The following GABRG3 variants were observed in gnomAD, a reference collection of about 807,000 sequenced individuals.
The protein encoded by GABRG3 is gamma-aminobutyric acid type A receptor subunit gamma3.
GABRG3 carries 25 observed loss-of-function variants against 48.8 expected under a neutral mutation model. The ratio of observed to expected loss-of-function variants is 0.51; its 90% CI spans 0.37 to 0.72. GABRG3 has a LOEUF of 0.72. GABRG3 is among the 30% of genes least tolerant of loss of function. The pLI is 0.00. For synonymous variants in GABRG3, 227 were observed against 217.6 expected, an observed-to-expected ratio of 1.04 and a Z score of -0.38; for missense variants, 394 against 577.9, an observed-to-expected ratio of 0.68 and a Z score of 3.26.
chr15:27,067,343 C>A (rs2140729937), intron 3 of GABRG3, among the ~76,000 whole-genome samples: 1 of 152,330 alleles, frequency 6.6e-6, no homozygotes, highest in South Asian at 2.1e-4. Flanking sequence ...GACTTTGCCT[C>A]ACTCCCCATC....
chr15:27,338,360 AT>A (rs562586298), intron 5 of GABRG3, among the ~76,000 whole-genome samples: 2 of 152,162 alleles, frequency 1.3e-5, no homozygotes, highest in Non-Finnish European at 2.9e-5. Context: ...CACCCCAGGC[AT>A]TCTTTCCATC....
chr15:27,306,337 A>C (rs1435743932), intron 3 of GABRG3, among the ~76,000 whole-genome samples: 1 of 128,146 alleles, frequency 7.8e-6, no homozygotes, highest in East Asian at 2.2e-4. Context: ...TATAAACATA[A>C]AATATAAACA....
intron 3 of GABRG3, among the ~76,000 whole-genome samples, chr15:27,227,033 C>T (rs1284665931): frequency 1.3e-5 from 2 of 152,160 alleles, no homozygotes; most frequent in Non-Finnish European, 2.9e-5. Context: ...GGAAAGTAAA[C>T]CATGTTTCAC....
At chr15:27,218,796 G>C (rs1173802469) in intron 3 of GABRG3, among the ~76,000 whole-genome samples, 1 of 152,206 alleles carries the variant, frequency 6.6e-6, no homozygotes, top group Non-Finnish European at 1.5e-5. Context: ...ATGGTAATGG[G>C]TGGTGACCGT....
At position 27,527,479 on chromosome 15, in the gene GABRG3, G is replaced by T; in HGVS notation, c.912G>T (p.Arg304Ser). The change falls in exon 8 of 10, where the codon AGG becomes AGT. Residue 304 changes from arginine to serine, a missense_variant. By Grantham distance (110) the Arg-to-Ser change is moderately radical (BLOSUM62 -1). Around this residue, in one of 3 missense-constraint regions of GABRG3, gnomAD observed 50 missense variants for 112.5 expected, o/e 0.44. Coordinates refer to ENST00000615808, the MANE Select transcript of GABRG3 (RefSeq NM_033223.5). ...LTMTTLSTIARKSLPRVSYVT... is the reference protein window; with the variant it reads ...LTMTTLSTIASKSLPRVSYVT... ...TGACCACCCTGAGCACCATCGCCAG[G>T]AAGTCCTTGCCACGCGTGTCCTACG... 1 of 1,613,942 alleles carries T rather than the reference G, an allele frequency of 6.2e-7. No homozygotes were observed. The highest frequency in any genetic ancestry group is 8.5e-7 in the Non-Finnish European group (1 of 1,179,888).
intron 6 of GABRG3, among the ~76,000 whole-genome samples, chr15:27,508,954 C>A (rs1351273285): frequency 6.6e-6 from 1 of 152,086 alleles, no homozygotes; most frequent in Non-Finnish European, 1.5e-5. Flanking sequence ...CTCCTGACCT[C>A]CTGATCCGCC....
intron 3 of GABRG3, among the ~76,000 whole-genome samples, chr15:27,097,940 CT>C (rs11305962): frequency 0.25 from 35,163 of 141,674 alleles, 5,165 homozygotes; most frequent in African/African-American, 0.41. Flanking sequence ...ATCTATTATT[CT>C]TTTTTTTTTT....
At chr15:27,109,673 A>G (rs1897511048) in intron 3 of GABRG3, among the ~76,000 whole-genome samples, 2 of 152,198 alleles carry the variant, frequency 1.3e-5, no homozygotes, top group South Asian at 4.1e-4. Context: ...ACCCGGACTC[A>G]GGAGTTTGAG....
chr15:27,018,778 A>C (rs1377651437), intron 2 of GABRG3, among the ~76,000 whole-genome samples: 2 of 152,188 alleles, frequency 1.3e-5, no homozygotes, highest in Non-Finnish European at 2.9e-5. Flanking sequence ...GCATGGACTC[A>C]GAGTATTGGC....
At chr15:27,513,701 A>C (rs1890954351) in intron 6 of GABRG3, among the ~76,000 whole-genome samples, 1 of 152,164 alleles carries the variant, frequency 6.6e-6, no homozygotes, top group Non-Finnish European at 1.5e-5. Flanking sequence ...TTGGAAAAAA[A>C]ATCCTGAAAT....
At chr15:27,284,354 AAAT>A (rs1891538917) in intron 3 of GABRG3, among the ~76,000 whole-genome samples, 1 of 152,254 alleles carries the variant, frequency 6.6e-6, no homozygotes. Context: ...TTAATTTTAA[AAAT>A]TCCCCAAATA....
intron 3 of GABRG3, among the ~76,000 whole-genome samples, chr15:27,152,861 ATTTT>A (rs1187163963): frequency 7.2e-6 from 1 of 139,016 alleles, no homozygotes; most frequent in Admixed American, 7.2e-5. Flanking sequence ...TTTCGAGTTA[ATTTT>A]TTTTTTTTTT....
chr15:27,160,574 AT>A (rs934008028), intron 3 of GABRG3, among the ~76,000 whole-genome samples: 1 of 150,616 alleles, frequency 6.6e-6, no homozygotes, highest in Admixed American at 6.6e-5. Flanking sequence ...CCAACTACTG[AT>A]TTTTTTTTAA....
intron 3 of GABRG3, among the ~76,000 whole-genome samples, chr15:27,168,248 C>A (rs1887445933): frequency 2.0e-5 from 3 of 152,048 alleles, no homozygotes; most frequent in Admixed American, 2.0e-4. Flanking sequence ...GCAGTGTGAG[C>A]ATTTGAAGGT....
At chr15:27,407,793 C>T (rs1420371139) in intron 5 of GABRG3, among the ~76,000 whole-genome samples, 2 of 152,100 alleles carry the variant, frequency 1.3e-5, no homozygotes, top group African/African-American at 2.4e-5. Flanking sequence ...CAGTGGTTGC[C>T]AGGGGATGGG....
chr15:27,157,535 A>G (rs1201599074), intron 3 of GABRG3: 5 of 152,182 alleles, frequency 3.3e-5, no homozygotes, highest in African/African-American at 4.8e-5. Flanking sequence ...TTTACAAAGC[A>G]TGTGAGATAC....
intron 5 of GABRG3, among the ~76,000 whole-genome samples, chr15:27,455,156 T>G (rs1488297972): frequency 6.6e-6 from 1 of 152,222 alleles, no homozygotes; most frequent in African/African-American, 2.4e-5. Context: ...ATCTTGACTT[T>G]GTGAGGTCTT....
chr15:27,514,666 A>G (rs745741393), intron 6 of GABRG3, among the ~76,000 whole-genome samples: 5 of 152,240 alleles, frequency 3.3e-5, no homozygotes, highest in Non-Finnish European at 5.9e-5. Context: ...GGTTTTGCCC[A>G]CACTCACGAG....
chr15:27,498,502 A>G (rs1890539561), intron 6 of GABRG3, among the ~76,000 whole-genome samples: 1 of 150,732 alleles, frequency 6.6e-6, no homozygotes, highest in Admixed American at 6.6e-5. Context: ...TAAATTAATT[A>G]ATTTATTTTT....
Sources: allele counts gnomAD v4.1 joint callset (sites outside exome capture counted in the v4.1 genomes callset), GRCh38; gene constraint gnomAD v4.1.1; regional missense constraint gnomAD v4.1.1; transcripts MANE v1.5; gene names NCBI Gene and HGNC (gene_info 2026-07-23, HGNC 2026-07-21).